The following PAK4 variants were observed in gnomAD, a reference collection of about 807,000 sequenced individuals.
PAK4 encodes serine/threonine-protein kinase PAK 4.
Under a neutral mutation model 53.5 loss-of-function variants are expected in PAK4, and 49 were observed. That is an observed-to-expected ratio of 0.92 (90% CI 0.73 to 1.16). The LOEUF (loss-of-function observed/expected upper bound fraction) is 1.16. PAK4 is among the 50% of genes most tolerant of loss of function. The pLI, the probability that PAK4 is intolerant of heterozygous loss-of-function variation, is 0.00. For missense variants in PAK4, 824 were observed against 850.7 expected (o/e 0.97, Z 0.39); for synonymous variants, 376 against 375.6 (o/e 1.00, Z -0.01).
intron 1 of PAK4, among the ~76,000 whole-genome samples, chr19:39,143,675 G>A (rs2073950812): frequency 1.3e-5 from 2 of 150,904 alleles, no homozygotes; most frequent in Admixed American, 1.3e-4. Flanking sequence ...TGGGCACAGT[G>A]GCTCACATCC....
At chr19:39,166,438 C>A (rs1444881265) in intron 1 of PAK4, among the ~76,000 whole-genome samples, 15 of 152,126 alleles carry the variant, frequency 9.9e-5, no homozygotes, top group Non-Finnish European at 4.4e-5. Context: ...AGCAAGACTC[C>A]GTTTAAAATA....
chr19:39,172,991 C>G, exon 3 of PAK4: 1 of 1,550,110 alleles, frequency 6.5e-7, no homozygotes, highest in Non-Finnish European at 8.7e-7. Context: ...GAGAACATGT[C>G]GGTGACACGC....
At chr19:39,132,064 A>G (rs747734447) in intron 1 of PAK4, among the ~76,000 whole-genome samples, 6 of 152,152 alleles carry the variant, frequency 3.9e-5, no homozygotes, top group Non-Finnish European at 5.9e-5. Context: ...GTGAGCTGTA[A>G]TAACCCCAGC....
chr19:39,172,847 G>A, intron 2 of PAK4, 71 bp from the exon 4 acceptor site: 2 of 1,282,434 alleles, frequency 1.6e-6, no homozygotes, highest in East Asian at 2.6e-5. Flanking sequence ...TCCTGTCCCT[G>A]CGTGTCGGAT....
intron 1 of PAK4, among the ~76,000 whole-genome samples, chr19:39,130,249 G>C (rs2073680318): frequency 6.7e-6 from 1 of 150,010 alleles, no homozygotes; most frequent in South Asian, 2.1e-4. Flanking sequence ...GACCCAGGCA[G>C]AGTGGTCAGA....
chr19:39,173,411 C>T lies in PAK4; in HGVS notation c.663+35C>T. 1 of 1,464,128 alleles carries T rather than the reference C, an allele frequency of 6.8e-7. No homozygotes were observed. Among genetic ancestry groups the T allele is most frequent in the Non-Finnish European group, 9.1e-7 (1 of 1,096,484 alleles). 90.7% of individuals were successfully genotyped at this position (1,464,128 alleles called of 1,614,324 possible). A position where few individuals can be genotyped will look rare whatever the true frequency, so the allele number is the denominator to read the frequency against. On this transcript the variant is annotated intron_variant, in intron 3 of 8. Coordinates refer to ENST00000358301, the Ensembl canonical transcript of PAK4. The surrounding 1 kb of genome is among the most constrained non-coding windows in gnomAD (Gnocchi z 6.9). ...CCCCCGCCCCAGGGCCCCCACTGTC[C>T]CCTGCCCGTTGCTCCTCTGTCCCCA...
intron 2 of PAK4, among the ~76,000 whole-genome samples, chr19:39,170,194 C>G (rs1600394332): frequency 6.6e-6 from 1 of 152,136 alleles, no homozygotes; most frequent in East Asian, 1.9e-4. Flanking sequence ...CCGGAGGAGG[C>G]ACCTGACACA....
chr19:39,155,094 T>C (rs692475), intron 1 of PAK4, among the ~76,000 whole-genome samples: 93,858 of 151,984 alleles, frequency 0.62, 29,209 homozygotes, highest in East Asian at 0.82. Flanking sequence ...GTCTGTCTGC[T>C]GTGTGCCGGG....
intron 1 of PAK4, among the ~76,000 whole-genome samples, chr19:39,157,219 C>T (rs1018957926): frequency 1.3e-5 from 2 of 150,736 alleles, no homozygotes; most frequent in African/African-American, 2.4e-5. Context: ...GTTTTGGGGT[C>T]GGGGGGGTGC....
At chr19:39,148,025 C>A (rs2074032036) in intron 1 of PAK4, among the ~76,000 whole-genome samples, 1 of 142,648 alleles carries the variant, frequency 7.0e-6, no homozygotes, top group African/African-American at 2.7e-5. Context: ...GATCTCGGTT[C>A]ACTGTGGCCT....
At chr19:39,174,158 G>C (rs1412720646) in intron 4 of PAK4, 148 bp downstream of exon 5, 1 of 619,282 alleles carries the variant, frequency 1.6e-6, no homozygotes. Flanking sequence ...AGGCCGTCTC[G>C]TCCGCCCCAG....
At chr19:39,147,309 C>G (rs371382874) in intron 1 of PAK4, among the ~76,000 whole-genome samples, 2 of 152,222 alleles carry the variant, frequency 1.3e-5, no homozygotes, top group East Asian at 1.9e-4. Flanking sequence ...GCATGATTCT[C>G]TGGAGGTGCA....
At position 39,173,395 on chromosome 19, in the gene PAK4, C is replaced by T. The variant is rs1323272174; in HGVS notation, c.663+19C>T. ...TGCCCAGGTAACCCATCCCCCGCCC[C>T]AGGGCCCCCACTGTCCCCTGCCCGT... is the stretch of plus-strand genomic sequence containing the variant. On this transcript the variant is annotated intron_variant, in intron 3 of 8. Coordinates refer to ENST00000358301, the Ensembl canonical transcript of PAK4. The surrounding 1 kb of genome is among the most constrained non-coding windows in gnomAD (Gnocchi z 6.9). 1 of 1,500,348 alleles carries T rather than the reference C, an allele frequency of 6.7e-7. No individual in the cohort carries two copies. The highest frequency in any genetic ancestry group is 2.2e-5 in the Admixed American group (1 of 44,660). The allele number at this position is 1,500,348 out of a possible 1,614,324, so 92.9% of individuals were successfully genotyped here.
At chr19:39,133,114 C>T (rs1346681247) in intron 1 of PAK4, among the ~76,000 whole-genome samples, 1 of 152,176 alleles carries the variant, frequency 6.6e-6, no homozygotes, top group Non-Finnish European at 1.5e-5. Flanking sequence ...GCTTGGCCTC[C>T]GGAGCCAGCT....
At chr19:39,141,311 C>T (rs1307662971) in intron 1 of PAK4, among the ~76,000 whole-genome samples, 1 of 147,844 alleles carries the variant, frequency 6.8e-6, no homozygotes, top group African/African-American at 2.5e-5. Flanking sequence ...CCCCAGTTGT[C>T]TTATAATCCT....
chr19:39,130,983 G>A lies in PAK4; in HGVS notation c.-23+5064G>A, dbSNP rs115399074. Among the ~76,000 whole-genome samples, 820 of 151,976 alleles carry A rather than the reference G, an allele frequency of 5.4e-3. 7 individuals carry two copies. The highest frequency in any genetic ancestry group is 0.019 in the African/African-American group (770 of 41,436). ...GGGACAGTGATGGAGGAGCGTCCTC[G>A]TGCCAGCTGAGGTCATCAGCGCTTT... On this transcript the variant is annotated intron_variant, in intron 1 of 8. Coordinates refer to ENST00000358301, the Ensembl canonical transcript of PAK4.
rs867677135 is a variant in PAK4 at position 39,165,827 on chromosome 19, C to T, written c.-22-3705C>T. ...AGACGCACAGCAGGGCCGGAACCCG[C>T]GAATCTCTGCAGACAGGCCTGGAGT... On this transcript the variant is annotated intron_variant, in intron 1 of 8. Coordinates refer to ENST00000358301, the Ensembl canonical transcript of PAK4. Among the ~76,000 whole-genome samples the T allele has an allele frequency of 1.4e-4, 22 of 152,348 alleles. No homozygotes were observed. In the Middle Eastern group the frequency reaches 0.014, roughly 94 times the overall value.
intron 1 of PAK4, among the ~76,000 whole-genome samples, chr19:39,151,833 A>G (rs184324596): frequency 2.2e-4 from 34 of 152,346 alleles, no homozygotes; most frequent in African/African-American, 7.7e-4. Context: ...CAGTGGCACC[A>G]TCTCAGTTCA....
In PAK4 at chr19:39,173,771, C is replaced by G. The variant is rs766531156; in HGVS notation, c.859C>G (p.Pro287Ala). 6.3e-7 allele frequency: 1 copy of G among 1,596,002 alleles called. No individual in the cohort carries two copies. The highest frequency in any genetic ancestry group is 8.5e-7 in the Non-Finnish European group (1 of 1,172,976). Residue 287 changes from proline (P) to alanine (A), a missense_variant, in exon 4 of 9, where the codon CCT becomes GCT. Transcript: ENST00000358301. The surrounding 1 kb of genome is among the most constrained non-coding windows in gnomAD (Gnocchi z 6.9). Reference sequence around the variant, plus strand: ...CGCCGCCCCTGCTGTTCCTGGGCCCCCTGGCCCCCGCTCACCACAGCGGGA... The same window carrying G: ...CGCCGCCCCTGCTGTTCCTGGGCCCGCTGGCCCCCGCTCACCACAGCGGGA...
Sources: gnomAD v4.1 joint callset for allele counts (sites outside exome capture counted in the v4.1 genomes callset) on GRCh38, gnomAD v4.1.1 for gene constraint, Gnocchi (gnomAD v3.1) non-coding constraint, MANE v1.5 for transcripts, NCBI Gene and HGNC (gene_info 2026-07-23, HGNC 2026-07-21) for gene names.